C8orf34: variants seen among roughly 807,000 people sequenced by gnomAD.
C8orf34 encodes uncharacterized protein C8orf34.
A neutral mutation model predicts 68.3 loss-of-function variants in C8orf34; 65 were observed. The ratio of observed to expected loss-of-function variants is 0.95; its 90% confidence interval spans 0.78 to 1.17. The LOEUF (loss-of-function observed/expected upper bound fraction) is 1.17. Among genes scored for constraint, C8orf34 ranks in the 50% most tolerant of loss-of-function variants. The pLI, the probability that C8orf34 is intolerant of heterozygous loss-of-function variation, is 0.00. For missense variants in C8orf34, 664 were observed against 655.4 expected (o/e 1.01, Z -0.14); for synonymous variants, 244 against 241.2 (o/e 1.01, Z -0.11).
At chr8:68,645,288 A>G (rs971785345) in intron 8 of C8orf34, among the ~76,000 whole-genome samples, 1 of 151,978 alleles carries the variant, frequency 6.6e-6, no homozygotes, top group African/African-American at 2.4e-5. Flanking sequence ...AATAACTAGA[A>G]ACAACACAGT....
chr8:68,563,167 G>A (rs1586378960), intron 7 of C8orf34, among the ~76,000 whole-genome samples: 1 of 152,044 alleles, frequency 6.6e-6, no homozygotes, highest in African/African-American at 2.4e-5. Flanking sequence ...CAGAGAAATT[G>A]CTTAACCTGG....
chr8:68,389,480 G>A (rs568255733), intron 1 of C8orf34, among the ~76,000 whole-genome samples: 2 of 152,266 alleles, frequency 1.3e-5, no homozygotes, highest in South Asian at 2.1e-4. Context: ...TGAAATAGAT[G>A]ATTGGAAGGC....
At chr8:68,611,882 T>C (rs1429556405) in intron 7 of C8orf34, among the ~76,000 whole-genome samples, 1 of 152,156 alleles carries the variant, frequency 6.6e-6, no homozygotes, top group Non-Finnish European at 1.5e-5. Context: ...ACACCTACAG[T>C]GAAATCTTGT....
At chr8:68,544,608 A>T (rs1221650584) in intron 7 of C8orf34, among the ~76,000 whole-genome samples, 1 of 152,164 alleles carries the variant, frequency 6.6e-6, no homozygotes, top group East Asian at 1.9e-4. Flanking sequence ...GCTAACAAAG[A>T]CTTGTAAAAA....
chr8:68,343,220 A>G lies in C8orf34; in HGVS notation c.327+11881A>G, dbSNP rs79155148. ...ATAAGCACATGAAAAGATGTTCAAA[A>G]CCATTTGCTATTAGAGAAATACAAA... On this transcript the variant is annotated intron_variant, in intron 1 of 13. Coordinates refer to ENST00000518698, the MANE Select transcript of C8orf34 (RefSeq NM_052958.4). Among the ~76,000 whole-genome samples, 1,187 of 152,294 alleles carry G rather than the reference A, an allele frequency of 7.8e-3. 19 individuals are homozygous for G. Among genetic ancestry groups the G allele is most frequent in the African/African-American group, 0.026 (1,098 of 41,560 alleles).
chr8:68,789,168 G>A (rs1270432843), intron 12 of C8orf34, among the ~76,000 whole-genome samples: 4 of 152,112 alleles, frequency 2.6e-5, no homozygotes, highest in South Asian at 4.2e-4. Context: ...TGAGGCCTTC[G>A]AAAATTTCAT....
intron 9 of C8orf34, among the ~76,000 whole-genome samples, chr8:68,717,992 G>T (rs1285906440): frequency 6.6e-6 from 1 of 152,080 alleles, no homozygotes; most frequent in African/African-American, 2.4e-5. Flanking sequence ...GAGTCAGCCT[G>T]GTTTCTGCTC....
At chr8:68,734,435 A>G (rs186788188) in intron 10 of C8orf34, among the ~76,000 whole-genome samples, 12 of 152,284 alleles carry the variant, frequency 7.9e-5, no homozygotes, top group African/African-American at 2.6e-4. Flanking sequence ...ACGTGGGGAA[A>G]TCAATAATAC....
At chr8:68,625,164 T>C (rs1019371338) in intron 7 of C8orf34, among the ~76,000 whole-genome samples, 1 of 152,052 alleles carries the variant, frequency 6.6e-6, no homozygotes, top group Non-Finnish European at 1.5e-5. Context: ...ATGGGTTAGC[T>C]AGGTAAAGGC....
At chr8:68,475,225 T>A (rs1812555899) in intron 4 of C8orf34, among the ~76,000 whole-genome samples, 1 of 152,190 alleles carries the variant, frequency 6.6e-6, no homozygotes, top group Admixed American at 6.5e-5. Context: ...AAATACCATT[T>A]CCTCCAAGAT....
In C8orf34 at chr8:68,794,505, A is replaced by ATTTT. The variant is rs57673879; in HGVS notation, c.1549+6984_1549+6987dup. ...TAAATATATATATATATATATATAT[A>ATTTT]TTTTTTTTTTTTTTTTTTAGACAGG... On this transcript the variant is annotated intron_variant, in intron 12 of 13. Coordinates refer to ENST00000518698, the MANE Select transcript of C8orf34 (RefSeq NM_052958.4). 1.6e-3 allele frequency among the ~76,000 whole-genome samples: 100 copies of ATTTT among 62,212 alleles called. 3 individuals carry two copies. The highest frequency in any genetic ancestry group is 0.01 in the African/African-American group (85 of 8,194). 40.8% of individuals were successfully genotyped at this position (62,212 alleles called of 152,430 possible). A position where few individuals can be genotyped will look rare whatever the true frequency, so the allele number is the denominator to read the frequency against.
At chr8:68,349,444 A>G (rs1035827514) in intron 1 of C8orf34, among the ~76,000 whole-genome samples, 6 of 151,278 alleles carry the variant, frequency 4.0e-5, no homozygotes, top group African/African-American at 9.7e-5. Flanking sequence ...TTCTTTTTTT[A>G]TTGTGTCTTT....
intron 8 of C8orf34, among the ~76,000 whole-genome samples, chr8:68,705,248 C>T (rs1031657707): frequency 6.6e-6 from 1 of 152,058 alleles, no homozygotes; most frequent in African/African-American, 2.4e-5. Context: ...ATATCTCAAC[C>T]TATATGAACT....
chr8:68,587,488 C>T (rs1286879868), intron 7 of C8orf34, among the ~76,000 whole-genome samples: 2 of 151,978 alleles, frequency 1.3e-5, no homozygotes, highest in Non-Finnish European at 2.9e-5. Flanking sequence ...CCTTTTTGAA[C>T]ATTTTGCCAA....
intron 4 of C8orf34, among the ~76,000 whole-genome samples, chr8:68,481,122 G>A (rs113593142): frequency 3.7e-4 from 56 of 150,428 alleles, no homozygotes; most frequent in African/African-American, 1.0e-3. Context: ...TTGTGTGCAC[G>A]GGGTGCCCTG....
At chr8:68,632,677 C>T (rs1585644961) in intron 7 of C8orf34, among the ~76,000 whole-genome samples, 1 of 152,084 alleles carries the variant, frequency 6.6e-6, no homozygotes, top group Non-Finnish European at 1.5e-5. Flanking sequence ...AGGCCAGGGC[C>T]CTGCTCCTCT....
chr8:68,439,342 C>A, intron 1 of C8orf34, 157 bp from the exon 2 acceptor site: 1 of 589,316 alleles, frequency 1.7e-6, no homozygotes, highest in Non-Finnish European at 2.8e-6. Context: ...AGGGCAGTAA[C>A]TTGTAGCCGT....
At chr8:68,779,453 G>A (rs939065080) in intron 11 of C8orf34, among the ~76,000 whole-genome samples, 7 of 152,156 alleles carry the variant, frequency 4.6e-5, no homozygotes, top group Non-Finnish European at 7.4e-5. Flanking sequence ...ACATGGGAGT[G>A]CGAACTTACT....
chr8:68,390,810 G>T (rs781334911), intron 1 of C8orf34, among the ~76,000 whole-genome samples: 11 of 152,078 alleles, frequency 7.2e-5, no homozygotes, highest in Non-Finnish European at 1.6e-4. Flanking sequence ...TAAGGAATTG[G>T]CTCATGTGAT....
Sources: allele counts gnomAD v4.1 joint callset (sites outside exome capture counted in the v4.1 genomes callset), GRCh38; gene constraint gnomAD v4.1.1; transcripts MANE v1.5; gene names NCBI Gene and HGNC (gene_info 2026-07-23, HGNC 2026-07-21).